The following CSMD3 variants were observed in gnomAD, a reference collection of about 807,000 sequenced individuals.
CSMD3 encodes the protein CUB and sushi domain-containing protein 3.
CSMD3 carries 177 observed loss-of-function variants against 435.2 expected under a neutral mutation model. The observed-to-expected ratio is 0.41, with a 90% confidence interval of 0.36 to 0.46. The LOEUF is 0.46. Among genes scored for constraint, CSMD3 ranks in the 20% least tolerant of loss-of-function variants. CSMD3 has a pLI of 0.34. For missense variants in CSMD3, 4,265 were observed against 4,504.6 expected (o/e 0.95, Z 1.52); for synonymous variants, 1,656 against 1,520.5 (o/e 1.09, Z -2.07).
At chr8:112,432,022 G>T (rs1813766194) in intron 32 of CSMD3, among the ~76,000 whole-genome samples, 1 of 151,424 alleles carries the variant, frequency 6.6e-6, no homozygotes, top group African/African-American at 2.4e-5. Context: ...CTCTAGTTTT[G>T]TCTCCCATTC....
intron 10 of CSMD3, among the ~76,000 whole-genome samples, chr8:112,878,354 AAACCAC>A (rs1485776533): frequency 1.3e-5 from 2 of 152,196 alleles, no homozygotes; most frequent in Non-Finnish European, 1.5e-5. Context: ...ATGCAAATCA[AAACCAC>A]AATGATATAC....
In CSMD3 at chr8:112,228,881, C is replaced by T. The variant is rs1563659534; in HGVS notation, c.10839G>A (p.Met3613Ile). 1.3e-6 allele frequency: 2 copies of T among 1,511,320 alleles called. No homozygotes were observed. Among genetic ancestry groups the T allele is most frequent in the East Asian group, 4.5e-5 (2 of 44,126 alleles). 93.6% of individuals were successfully genotyped at this position (1,511,320 alleles called of 1,614,324 possible). Residue 3613 changes from methionine to isoleucine, a missense_variant, in exon 70 of 71, where the codon ATG (methionine) becomes ATA (isoleucine). This residue lies in a region of CSMD3 where 3,255 missense variants were observed against 3,380.2 expected (regional missense o/e 0.96). Coordinates refer to ENST00000297405, the MANE Select transcript of CSMD3 (RefSeq NM_198123.2). ...QFGLQRLGLN[M>I]SEGSNSSNQP... is the part of the protein sequence containing the mutation. Reference sequence around the variant, plus strand: ...GATTTGAAGAATTTGAACCTTCTGACATATTCAGTCCTACAAAATAAAAAA... The same window carrying T: ...GATTTGAAGAATTTGAACCTTCTGATATATTCAGTCCTACAAAATAAAAAA...
chr8:113,164,513 G>A (rs2092112406), intron 4 of CSMD3, among the ~76,000 whole-genome samples: 1 of 151,274 alleles, frequency 6.6e-6, no homozygotes, highest in Non-Finnish European at 1.5e-5. Flanking sequence ...AAATTATGGA[G>A]TAAAAAGAAA....
rs1035359048 is a variant in CSMD3 at position 112,410,978 on chromosome 8, C to T, written c.5396-1946G>A. Among the ~76,000 whole-genome samples the T allele has an allele frequency of 2.7e-5, 4 of 146,886 alleles. No homozygotes were observed. In the Admixed American group the frequency reaches 2.8e-4, roughly 10 times the overall value. On this transcript the variant is annotated intron_variant, in intron 32 of 70. Coordinates refer to ENST00000297405, the MANE Select transcript of CSMD3 (RefSeq NM_198123.2). Reference sequence around the variant, plus strand: ...TTTGGGAAATCATTAAGGAAAAGTACAATACCGCATCCTTTAACTCTTTCT... The same window carrying T: ...TTTGGGAAATCATTAAGGAAAAGTATAATACCGCATCCTTTAACTCTTTCT...
At chr8:112,704,226 C>G (rs1282018528) in intron 13 of CSMD3, among the ~76,000 whole-genome samples, 1 of 151,908 alleles carries the variant, frequency 6.6e-6, no homozygotes, top group Admixed American at 6.6e-5. Flanking sequence ...ATGATCCCCC[C>G]ACCTCAACTG....
At chr8:113,117,504 A>T (rs1216421948) in intron 4 of CSMD3, among the ~76,000 whole-genome samples, 1 of 152,206 alleles carries the variant, frequency 6.6e-6, no homozygotes, top group African/African-American at 2.4e-5. Context: ...GCATTGTGGA[A>T]GGGAAATGTT....
At chr8:112,374,890 G>T (rs1002136556) in intron 38 of CSMD3, among the ~76,000 whole-genome samples, 3 of 152,088 alleles carry the variant, frequency 2.0e-5, no homozygotes, top group African/African-American at 7.2e-5. Flanking sequence ...GATAGCTAAC[G>T]ACTCTTAAGA....
At chr8:112,397,686 A>G (rs957639546) in intron 35 of CSMD3, among the ~76,000 whole-genome samples, 2 of 152,146 alleles carry the variant, frequency 1.3e-5, no homozygotes, top group African/African-American at 4.8e-5. Flanking sequence ...TCATAAGAGC[A>G]TTAATCCCAT....
intron 28 of CSMD3, among the ~76,000 whole-genome samples, chr8:112,511,203 A>G (rs1263553651): frequency 6.6e-6 from 1 of 152,056 alleles, no homozygotes; most frequent in Non-Finnish European, 1.5e-5. Flanking sequence ...ATTGTGTCTA[A>G]AAAATGTACC....
At chr8:113,340,200 T>C (rs2094108625) in intron 1 of CSMD3, among the ~76,000 whole-genome samples, 1 of 152,110 alleles carries the variant, frequency 6.6e-6, no homozygotes, top group African/African-American at 2.4e-5. Flanking sequence ...AAGTTTTGTA[T>C]TCTCTTAGGA....
intron 22 of CSMD3, among the ~76,000 whole-genome samples, chr8:112,600,087 A>T (rs562744839): frequency 8.5e-5 from 13 of 152,112 alleles, no homozygotes; most frequent in Non-Finnish European, 1.5e-4. Flanking sequence ...TCTGAGTCAG[A>T]ACACCCAAAA....
At chr8:112,676,386 GA>G (rs2075770449) in intron 16 of CSMD3, among the ~76,000 whole-genome samples, 1 of 152,030 alleles carries the variant, frequency 6.6e-6, no homozygotes, top group African/African-American at 2.4e-5. Flanking sequence ...ACCAGGAAAG[GA>G]GACTAAAATG....
intron 1 of CSMD3, among the ~76,000 whole-genome samples, chr8:113,333,833 G>A (rs986879392): frequency 1.3e-5 from 2 of 151,770 alleles, no homozygotes; most frequent in African/African-American, 4.8e-5. Flanking sequence ...TGTCAAGAAT[G>A]GCATTAAATT....
At chr8:112,295,610 G>T (rs1374024775) in intron 54 of CSMD3, among the ~76,000 whole-genome samples, 1 of 151,448 alleles carries the variant, frequency 6.6e-6, no homozygotes, top group Non-Finnish European at 1.5e-5. Flanking sequence ...AATATGAGAA[G>T]AGCTAAATTT....
intron 3 of CSMD3, among the ~76,000 whole-genome samples, chr8:113,220,969 T>G (rs149851689): frequency 9.9e-5 from 15 of 151,452 alleles, no homozygotes; most frequent in African/African-American, 3.6e-4. Flanking sequence ...ATAATAAAAG[T>G]TATATTCTTT....
chr8:112,887,198 GTTT>G (rs200825945), intron 10 of CSMD3, among the ~76,000 whole-genome samples: 278 of 135,222 alleles, frequency 2.1e-3, no homozygotes, highest in Non-Finnish European at 3.3e-3. Context: ...ACAATTATTT[GTTT>G]TTTTTTTTTT....
chr8:112,317,551 G>T (rs1822588759), intron 47 of CSMD3, among the ~76,000 whole-genome samples: 1 of 151,938 alleles, frequency 6.6e-6, no homozygotes, highest in Non-Finnish European at 1.5e-5. Context: ...AATCCTAAAG[G>T]TCTAGAGAGT....
In CSMD3 at chr8:112,682,470, C is replaced by T. The variant is rs773213250; in HGVS notation, c.2649G>A (p.Met883Ile). ...CACATTTTGGAATCAGTCCACTCCA[C>T]ATTACTTTTCCATCCATAAGAATAC... ...ITCILMDGKV[M>I]WSGLIPKCGA... Residue 883 changes from methionine to isoleucine, a missense_variant, in exon 16 of 71, where the codon ATG becomes ATA. Physicochemically the swap from Met to Ile is conservative, Grantham distance 10 (BLOSUM62 1). This residue lies in a region of CSMD3 where 279 missense variants were observed against 369.0 expected (regional missense o/e 0.76). Transcript: ENST00000297405. The T allele has an allele frequency of 1.4e-5, 22 of 1,612,484 alleles. No individual in the cohort carries two copies. The highest frequency in any genetic ancestry group is 8.8e-5 in the South Asian group (8 of 91,036).
intron 32 of CSMD3, among the ~76,000 whole-genome samples, chr8:112,421,787 C>T (rs1812539902): frequency 6.7e-6 from 1 of 150,248 alleles, no homozygotes; most frequent in African/African-American, 2.4e-5. Context: ...GAATAAAAAA[C>T]AATTTTAAAT....
Sources: allele counts gnomAD v4.1 joint callset (sites outside exome capture counted in the v4.1 genomes callset), GRCh38; gene constraint gnomAD v4.1.1; regional missense constraint gnomAD v4.1.1; transcripts MANE v1.5; gene names NCBI Gene and HGNC (gene_info 2026-07-23, HGNC 2026-07-21).